Variants in PCDH11Y observed in about 807,000 individuals in gnomAD.
PCDH11Y encodes protocadherin 11 Y-linked, also known as protocadherin-11 Y-linked.
For missense variants in PCDH11Y, 12 were observed against 224.8 expected, an observed-to-expected ratio of 0.05 and a Z score of 6.05; for synonymous variants, 9 against 83.6, an observed-to-expected ratio of 0.11 and a Z score of 4.87.
chrY:5,521,361 C>T (rs2053380763), intron 3 of PCDH11Y, among the ~76,000 whole-genome samples: 3 of 31,999 alleles, frequency 9.4e-5, no homozygotes, highest in South Asian at 7.3e-4. Context: ...TTAGTAGAGA[C>T]GGGGTTTTAC....
chrY:5,486,730 CAT>C (rs2053333161), intron 2 of PCDH11Y, among the ~76,000 whole-genome samples: 4 of 4,764 alleles, frequency 8.4e-4, no homozygotes, highest in South Asian at 5.1e-3. Context: ...TATATATACA[CAT>C]ATATATATAT....
intron 4 of PCDH11Y, among the ~76,000 whole-genome samples, chrY:5,660,716 A>T: frequency 3.0e-5 from 1 of 32,924 alleles, no homozygotes; most frequent in Non-Finnish European, 7.5e-5. Context: ...TATGAATTTA[A>T]ACCATGTACT....
chrY:5,244,991 G>A (rs2052994048), intron 2 of PCDH11Y, among the ~76,000 whole-genome samples: 40 of 33,353 alleles, frequency 1.2e-3, no homozygotes, highest in African/African-American at 4.3e-3. Flanking sequence ...GGCAGACTGC[G>A]GCCAGAGCAC....
intron 2 of PCDH11Y, among the ~76,000 whole-genome samples, chrY:5,325,773 C>G: frequency 9.1e-5 from 3 of 32,809 alleles, no homozygotes; most frequent in Non-Finnish European, 2.2e-4. Flanking sequence ...AGGAGTATGA[C>G]TAGACAGAAA....
intron 2 of PCDH11Y, among the ~76,000 whole-genome samples, chrY:5,233,790 A>G (rs2052971166): frequency 3.0e-5 from 1 of 33,375 alleles, no homozygotes; most frequent in African/African-American, 1.2e-4. Flanking sequence ...ATATTAAAAT[A>G]GAGCTGTGGT....
At chrY:5,461,890 A>AT (rs2053303959) in intron 2 of PCDH11Y, among the ~76,000 whole-genome samples, 1 of 33,321 alleles carries the variant, frequency 3.0e-5, no homozygotes, top group African/African-American at 1.2e-4. Context: ...GTTCTTCCTT[A>AT]TTATCTATAT....
At chrY:5,708,949 G>C in intron 4 of PCDH11Y, among the ~76,000 whole-genome samples, 2 of 33,158 alleles carry the variant, frequency 6.0e-5, no homozygotes, top group African/African-American at 2.4e-4. Context: ...GAGAGGAGCC[G>C]AGTCCTGCTG....
Position 5,670,608 on chromosome Y carries a change from T to A in PCDH11Y, c.3353-66664T>A. On this transcript the variant is annotated intron_variant, in intron 4 of 4. Coordinates refer to the PCDH11Y transcript ENST00000400457. ...CTTTTGAGAAAGGTCTATTTAAATCTTTTGCCCATTTTTTTTTTGCTCAGA... is the reference window on the plus strand; with the variant it reads ...CTTTTGAGAAAGGTCTATTTAAATCATTTGCCCATTTTTTTTTTGCTCAGA... Among the ~76,000 whole-genome samples the A allele has an allele frequency of 2.4e-4, 8 of 33,477 alleles. No homozygotes were observed. In the South Asian group the frequency reaches 5.2e-3, roughly 22 times the overall value. 89.8% of individuals were successfully genotyped at this position (33,477 alleles called of 37,273 possible).
intron 4 of PCDH11Y, among the ~76,000 whole-genome samples, chrY:5,642,304 A>G: frequency 5.9e-5 from 2 of 33,922 alleles, no homozygotes; most frequent in Non-Finnish European, 1.5e-4. Context: ...AATGTGTCTT[A>G]TTTTAATGTC....
intron 4 of PCDH11Y, among the ~76,000 whole-genome samples, chrY:5,716,699 CA>C (rs2053590257): frequency 3.0e-5 from 1 of 33,002 alleles, no homozygotes; most frequent in African/African-American, 1.2e-4. Flanking sequence ...ATCAAAATAC[CA>C]ATGACATTCT....
chrY:5,108,619 C>T (rs1602868982), downstream of PCDH11Y, among the ~76,000 whole-genome samples: 3 of 29,859 alleles, frequency 1.0e-4, no homozygotes, highest in African/African-American at 2.6e-4. Flanking sequence ...TGGTGGCGGG[C>T]GCCTGTAGTC....
chrY:5,041,678 G>C (rs71216321), intron 3 of PCDH11Y, among the ~76,000 whole-genome samples: 5 of 32,470 alleles, frequency 1.5e-4, no homozygotes, highest in African/African-American at 4.9e-4. Context: ...CCTGAGGAAT[G>C]GCCACACTGA....
chrY:5,491,063 C>G, intron 2 of PCDH11Y, among the ~76,000 whole-genome samples: 1 of 33,729 alleles, frequency 3.0e-5, no homozygotes, highest in Non-Finnish European at 7.4e-5. Flanking sequence ...TTGGCATGAA[C>G]AGCCTGGGTG....
intron 4 of PCDH11Y, among the ~76,000 whole-genome samples, chrY:5,718,634 A>C: frequency 3.0e-5 from 1 of 33,812 alleles, no homozygotes; most frequent in African/African-American, 1.2e-4. Flanking sequence ...CTGTGAGTTC[A>C]TTAAACTTCT....
At chrY:5,214,497 C>T in intron 2 of PCDH11Y, among the ~76,000 whole-genome samples, 3 of 32,961 alleles carry the variant, frequency 9.1e-5, no homozygotes, top group South Asian at 1.4e-3. Flanking sequence ...TAATCCTACA[C>T]GAACTTCAGG....
intron 2 of PCDH11Y, chrY:5,337,730 C>A: frequency 5.6e-6 from 2 of 356,573 alleles, no homozygotes; most frequent in Non-Finnish European, 7.6e-6. Flanking sequence ...TGGGGCTGGG[C>A]GGCAGGACAG....
chrY:5,639,226 C>T (rs2053521004), intron 4 of PCDH11Y, among the ~76,000 whole-genome samples: 1 of 28,594 alleles, frequency 3.5e-5, no homozygotes, highest in Non-Finnish European at 8.3e-5. Flanking sequence ...GATAATTAGA[C>T]ACCACTTGTA....
chrY:5,690,725 G>T (rs2053567106), intron 4 of PCDH11Y, among the ~76,000 whole-genome samples: 1 of 29,099 alleles, frequency 3.4e-5, no homozygotes, highest in African/African-American at 1.3e-4. Flanking sequence ...ACTCAAAATT[G>T]TATGCAAAGA....
chrY:5,226,774 C>T, intron 2 of PCDH11Y, among the ~76,000 whole-genome samples: 1 of 31,602 alleles, frequency 3.2e-5, no homozygotes, highest in Admixed American at 3.0e-4. Context: ...TTTCTTTCTG[C>T]GTTCTCTATT....
Sources: gnomAD v4.1 joint callset for allele counts (sites outside exome capture counted in the v4.1 genomes callset) on GRCh38, gnomAD v4.1.1 for gene constraint, MANE v1.5 for transcripts, NCBI Gene and HGNC (gene_info 2026-07-23, HGNC 2026-07-21) for gene names.